Variants in VCAM1 observed in about 807,000 individuals in gnomAD.
The protein encoded by VCAM1 is vascular cell adhesion protein 1.
Under a neutral mutation model 63.8 loss-of-function variants are expected in VCAM1, and 41 were observed. The observed-to-expected ratio is 0.64, with a 90% CI of 0.50 to 0.83. The LOEUF is 0.83. VCAM1 is among the 40% of genes least tolerant of loss of function. The pLI, the probability that VCAM1 is intolerant of heterozygous loss-of-function variation, is 0.00. For missense variants in VCAM1, 798 were observed against 875.5 expected (o/e 0.91, Z 1.12); for synonymous variants, 338 against 320.7 (o/e 1.05, Z -0.58).
chr1:100,729,193 G>A lies in VCAM1; in HGVS notation c.1015G>A (p.Gly339Ser). The change falls in exon 5 of 9, where the codon GGC becomes AGC. Residue 339 changes from glycine to serine, a missense_variant. Physicochemically the swap from Gly to Ser is moderately conservative, Grantham distance 56 (BLOSUM62 0). Coordinates refer to ENST00000294728, the MANE Select transcript of VCAM1 (RefSeq NM_001078.4). Reference protein sequence around the residue: ...DSVMLTCSVMGCESPSFSWRT... With the variant: ...DSVMLTCSVMSCESPSFSWRT... ...AGTCATGTTGACATGTAGTGTCATGGGCTGTGAATCCCCATCTTTCTCCTG... is the reference window on the plus strand; with the variant it reads ...AGTCATGTTGACATGTAGTGTCATGAGCTGTGAATCCCCATCTTTCTCCTG... 6.2e-7 allele frequency: 1 copy of A among 1,613,578 alleles called. No individual in the cohort carries two copies. The highest frequency in any genetic ancestry group is 1.1e-5 in the South Asian group (1 of 91,052).
chr1:100,722,331 A>G (rs895542652), intron 2 of VCAM1, among the ~76,000 whole-genome samples: 17 of 152,064 alleles, frequency 1.1e-4, no homozygotes, highest in Non-Finnish European at 2.4e-4. Context: ...GCACAAATGT[A>G]TCTTTCTGGT....
chr1:100,720,758 G>A lies in VCAM1; in HGVS notation c.340+7G>A. On this transcript the variant is annotated splice_region_variant and intron_variant, in intron 2 of 8. Transcript: ENST00000294728. The stretch of plus-strand genomic sequence containing the variant: ...ATCCAGGTGGAGATCTACTGTGAGT[G>A]CTTTAGAAAATCTTTGTTTTTCTCT... 1 of 1,570,364 alleles carries A rather than the reference G, an allele frequency of 6.4e-7. No homozygotes were observed. The highest frequency in any genetic ancestry group is 8.6e-7 in the Non-Finnish European group (1 of 1,159,274).
At chr1:100,729,761 G>A (rs1442029984) in intron 5 of VCAM1, among the ~76,000 whole-genome samples, 1 of 152,024 alleles carries the variant, frequency 6.6e-6, no homozygotes, top group African/African-American at 2.4e-5. Context: ...TTAAGGCACT[G>A]TTTTAAAGGC....
chr1:100,722,362 C>T (rs1659984290), intron 2 of VCAM1, among the ~76,000 whole-genome samples: 1 of 151,996 alleles, frequency 6.6e-6, no homozygotes, highest in Non-Finnish European at 1.5e-5. Context: ...CTGTCAGAGG[C>T]ACCATTTTCA....
intron 5 of VCAM1, among the ~76,000 whole-genome samples, chr1:100,729,626 A>G (rs1005400667): frequency 3.9e-5 from 6 of 152,104 alleles, no homozygotes; most frequent in African/African-American, 1.4e-4. Context: ...ATACTCTCTC[A>G]TCATGCACTT....
chr1:100,719,919 C>T lies in VCAM1; in HGVS notation c.59C>T (p.Ala20Val), dbSNP rs1414160136. 2.5e-6 allele frequency: 4 copies of T among 1,609,208 alleles called. No individual in the cohort carries two copies. The Admixed American group carries it at 5.0e-5, about 20-fold the overall frequency. ...GASNILWIMF[A>V]ASQAFKIETT... ...TCAAATATACTTTGGATAATGTTTG[C>T]AGCTTGTAAGTTATTTCCCTTCATC... Residue 20 changes from alanine (A) to valine (V), a missense_variant, in exon 1 of 9, where the codon GCA becomes GTA. Coordinates refer to ENST00000294728, the MANE Select transcript of VCAM1 (RefSeq NM_001078.4).
Position 100,729,283 on chromosome 1 carries a change from A to G in VCAM1, c.1105A>G (p.Thr369Ala). 6.2e-7 allele frequency: 1 copy of G among 1,613,494 alleles called. No homozygotes were observed. The highest frequency in any genetic ancestry group is 8.5e-7 in the Non-Finnish European group (1 of 1,179,692). Residue 369 changes from threonine (T) to alanine (A), a missense_variant, in exon 5 of 9, where the codon ACC becomes GCC. Coordinates refer to ENST00000294728, the MANE Select transcript of VCAM1 (RefSeq NM_001078.4). Reference sequence around the variant, plus strand: ...GAGTGAGGGGACCAATTCCACGCTGACCCTGAGCCCTGTGAGTTTTGAGAA... The same window carrying G: ...GAGTGAGGGGACCAATTCCACGCTGGCCCTGAGCCCTGTGAGTTTTGAGAA... ...VRSEGTNSTL[T>A]LSPVSFENEH...
chr1:100,732,775 T>C (rs1660509396), intron 7 of VCAM1, 91 bp downstream of exon 7: 1 of 1,401,692 alleles, frequency 7.1e-7, no homozygotes, highest in Non-Finnish European at 9.5e-7. Flanking sequence ...AACAAAATTT[T>C]TACTACAAAA....
chr1:100,730,560 T>C (rs1379411364), intron 5 of VCAM1, among the ~76,000 whole-genome samples: 1 of 152,158 alleles, frequency 6.6e-6, no homozygotes, highest in South Asian at 2.1e-4. Context: ...ATTTGGTCAT[T>C]AAAATTTAAA....
chr1:100,728,715 A>AATATATATATATAT lies in VCAM1; in HGVS notation c.929-382_929-369dup, dbSNP rs35811606. ...AAAATTGTTGTGAGGATTAAATGAG[A>AATATATATATATAT]ATATATATATATATATATATATAGT... On this transcript the variant is annotated intron_variant, in intron 4 of 8. Transcript: ENST00000294728. Among the ~76,000 whole-genome samples, 462 of 145,020 alleles carry AATATATATATATAT rather than the reference A, an allele frequency of 3.2e-3. 4 individuals are homozygous for AATATATATATATAT. The highest frequency in any genetic ancestry group is 0.011 in the African/African-American group (433 of 39,008).
At chr1:100,734,122 C>T (rs1452592061) in intron 7 of VCAM1, among the ~76,000 whole-genome samples, 1 of 152,134 alleles carries the variant, frequency 6.6e-6, no homozygotes, top group Non-Finnish European at 1.5e-5. Context: ...ATCATGAGAA[C>T]AGCATGGGGG....
At position 100,724,847 on chromosome 1, in the gene VCAM1, T is replaced by C; in HGVS notation, c.885T>C (p.Asn295=). 1 of 1,612,874 alleles carries C rather than the reference T, an allele frequency of 6.2e-7. No individual in the cohort carries two copies. ...DSGIYVCEGV[N]LIGKNRKEVE... is the part of the protein sequence containing the mutation. ...GAATTTATGTGTGTGAAGGAGTTAA[T>C]TTGATTGGGAAAAACAGAAAAGAGG... Residue 295 remains asparagine, a synonymous_variant, in exon 4 of 9, where the codon AAT becomes AAC. Transcript: ENST00000294728.
intron 2 of VCAM1, among the ~76,000 whole-genome samples, chr1:100,722,775 A>T (rs540268177): frequency 6.6e-6 from 1 of 152,070 alleles, no homozygotes; most frequent in Non-Finnish European, 1.5e-5. Flanking sequence ...TCTTTCTTTT[A>T]CTGTAATAAC....
Position 100,729,343 on chromosome 1 carries a change from C to T in VCAM1, c.1165C>T (p.His389Tyr). Residue 389 changes from histidine (H) to tyrosine (Y), a missense_variant, in exon 5 of 9, where the codon CAT becomes TAT. By Grantham distance (83) the His-to-Tyr change is moderately conservative. Coordinates refer to ENST00000294728, the MANE Select transcript of VCAM1 (RefSeq NM_001078.4). Reference sequence around the variant, plus strand: ...TTATCTGTGCACAGTGACTTGTGGACATAAGAAACTGGAAAAGGGAATCCA... The same window carrying T: ...TTATCTGTGCACAGTGACTTGTGGATATAAGAAACTGGAAAAGGGAATCCA... ...HSYLCTVTCG[H>Y]KKLEKGIQVE... 6.2e-7 allele frequency: 1 copy of T among 1,608,388 alleles called. No homozygotes were observed. Among genetic ancestry groups the T allele is most frequent in the Non-Finnish European group, 8.5e-7 (1 of 1,177,120 alleles).
At position 100,729,205 on chromosome 1, in the gene VCAM1, C is replaced by G. The variant is rs779684478; in HGVS notation, c.1027C>G (p.Pro343Ala). The G allele has an allele frequency of 1.2e-6, 2 of 1,613,646 alleles. No individual in the cohort carries two copies. Among genetic ancestry groups the G allele is most frequent in the Non-Finnish European group, 1.7e-6 (2 of 1,179,750 alleles). The stretch of plus-strand genomic sequence containing the variant: ...ATGTAGTGTCATGGGCTGTGAATCC[C>G]CATCTTTCTCCTGGAGAACCCAGAT... The part of the protein sequence containing the change: ...LTCSVMGCES[P>A]SFSWRTQIDS... The change falls in exon 5 of 9, where the codon CCA becomes GCA. Residue 343 changes from proline (P) to alanine (A), a missense_variant. By Grantham distance (27) the Pro-to-Ala change is conservative. Transcript: ENST00000294728.
In VCAM1 at chr1:100,731,142, G is replaced by A. The variant is rs1485513878; in HGVS notation, c.1205-56G>A. 1 of 1,521,068 alleles carries A rather than the reference G, an allele frequency of 6.6e-7. No individual in the cohort carries two copies. Among genetic ancestry groups the A allele is most frequent in the East Asian group, 2.3e-5 (1 of 43,964 alleles). 94.2% of individuals were successfully genotyped at this position (1,521,068 alleles called of 1,614,324 possible). ...AGGCCTTTACATTTAATAAAGCTTA[G>A]CTCAATTTTTCCTTGAATATCAAGA... is the stretch of plus-strand genomic sequence containing the variant. On this transcript the variant is annotated intron_variant, in intron 5 of 8. Coordinates refer to ENST00000294728, the MANE Select transcript of VCAM1 (RefSeq NM_001078.4). This position sits in a 1 kb window ranked among gnomAD's most constrained non-coding sequence, Gnocchi z 4.2.
In VCAM1 at chr1:100,729,111, A is replaced by G; in HGVS notation, c.933A>G (p.Lys311=). Residue 311 remains lysine, a synonymous_variant, in exon 5 of 9, where the codon AAA becomes AAG. Coordinates refer to ENST00000294728, the MANE Select transcript of VCAM1 (RefSeq NM_001078.4). ...RKEVELIVQE[K]PFTVEISPGP... ...TGTTTTCCACCTGTGTCCCAGAGAA[A>G]CCATTTACTGTTGAGATCTCCCCTG... is the stretch of plus-strand genomic sequence containing the variant. The G allele has an allele frequency of 6.5e-7, 1 of 1,528,034 alleles. No individual in the cohort carries two copies. The highest frequency in any genetic ancestry group is 8.8e-7 in the Non-Finnish European group (1 of 1,135,440). 94.7% of individuals were successfully genotyped at this position (1,528,034 alleles called of 1,614,324 possible).
chr1:100,727,454 G>T (rs1425720771), intron 4 of VCAM1, among the ~76,000 whole-genome samples: 1 of 152,076 alleles, frequency 6.6e-6, no homozygotes, highest in Admixed American at 6.6e-5. Flanking sequence ...TAATAAAAGT[G>T]TGTAAAGCTA....
chr1:100,730,532 T>G (rs1660412435), intron 5 of VCAM1, among the ~76,000 whole-genome samples: 1 of 152,148 alleles, frequency 6.6e-6, no homozygotes, highest in African/African-American at 2.4e-5. Flanking sequence ...TGAGAAATAT[T>G]TAAAACTTGC....
Sources: gnomAD v4.1 joint callset for allele counts (sites outside exome capture counted in the v4.1 genomes callset) on GRCh38, gnomAD v4.1.1 for gene constraint, Gnocchi (gnomAD v3.1) non-coding constraint, MANE v1.5 for transcripts, NCBI Gene and HGNC (gene_info 2026-07-23, HGNC 2026-07-21) for gene names.